Variants in OR10G3 observed in about 807,000 individuals in gnomAD.
OR10G3 encodes olfactory receptor 10G3.
OR10G3 carries 8 observed loss-of-function variants against 13.4 expected under a neutral mutation model. That is an observed-to-expected ratio of 0.60 (90% CI 0.35 to 1.08). OR10G3 has a LOEUF of 1.08. OR10G3 is among the 50% of genes least tolerant of loss of function. The pLI is 0.02. For synonymous variants in OR10G3, 142 were observed against 156.1 expected (o/e 0.91, Z 0.67); for missense variants, 393 against 386.6 (o/e 1.02, Z -0.14).
In OR10G3 at chr14:21,580,055, T is replaced by C. The variant is rs1876857263; in HGVS notation, c.-287A>G. Reference sequence around the variant, plus strand: ...GAGGAGCTGTGGCTCTTACTGAAGATAACTGTTAAGGTTGGTCTCTCCTGT... The same window carrying C: ...GAGGAGCTGTGGCTCTTACTGAAGACAACTGTTAAGGTTGGTCTCTCCTGT... On this transcript the variant is annotated 5_prime_UTR_variant, in exon 1 of 2. Coordinates refer to ENST00000641040, the MANE Select transcript of OR10G3 (RefSeq NM_001005465.2). 1 of 152,242 alleles carries C rather than the reference T, an allele frequency of 6.6e-6. No individual in the cohort carries two copies. Among genetic ancestry groups the C allele is most frequent in the South Asian group, 2.1e-4 (1 of 4,836 alleles). 9.4% of individuals were successfully genotyped at this position (152,242 alleles called of 1,614,324 possible). A position where few individuals can be genotyped will look rare whatever the true frequency, so the allele number is the denominator to read the frequency against.
intron 1 of OR10G3, among the ~76,000 whole-genome samples, chr14:21,577,318 A>G (rs1172940995): frequency 1.3e-5 from 2 of 152,178 alleles, no homozygotes; most frequent in East Asian, 3.8e-4. Context: ...TCATAGAATA[A>G]TGGTGGCATT....
At chr14:21,574,221 T>G (rs543755554) in intron 1 of OR10G3, among the ~76,000 whole-genome samples, 1 of 147,064 alleles carries the variant, frequency 6.8e-6, no homozygotes, top group Non-Finnish European at 1.5e-5. Context: ...GAGAATGGCA[T>G]GTACCGGGGA....
chr14:21,573,202 C>T (rs7156509), intron 1 of OR10G3, among the ~76,000 whole-genome samples: 12,992 of 151,912 alleles, frequency 0.086, 714 homozygotes, highest in South Asian at 0.21. Flanking sequence ...TATGAATGAA[C>T]CTGGAAGACA....
At chr14:21,573,484 C>T (rs1893093819) in intron 1 of OR10G3, among the ~76,000 whole-genome samples, 1 of 147,022 alleles carries the variant, frequency 6.8e-6, no homozygotes, top group East Asian at 1.9e-4. Context: ...ACCAGCCTGG[C>T]CAACATGGTG....
At chr14:21,571,899 C>T (rs1893073338) in intron 1 of OR10G3, among the ~76,000 whole-genome samples, 1 of 149,994 alleles carries the variant, frequency 6.7e-6, no homozygotes, top group Admixed American at 6.7e-5. Flanking sequence ...ATCTTGAACT[C>T]CTGGCCTCAA....
intron 1 of OR10G3, among the ~76,000 whole-genome samples, chr14:21,577,483 C>T (rs985040958): frequency 6.6e-6 from 1 of 152,150 alleles, no homozygotes; most frequent in Admixed American, 6.5e-5. Context: ...CACAAGGAAC[C>T]AAATCAAAAT....
chr14:21,569,824 TG>T lies in OR10G3; in HGVS notation c.920del (p.Pro307GlnfsTer30), dbSNP rs1179177454. ...ACTTTCAAACCTCACTCGGAGTTCT[TG>T]GGCTTCTGAGCATTCTTTTCAGGGC... ...KLALKRMLRS[P>X]RTPSEV On this transcript the variant is annotated frameshift_variant, in exon 2 of 2. Coordinates refer to ENST00000641040, the MANE Select transcript of OR10G3 (RefSeq NM_001005465.2). LOFTEE classifies it high-confidence loss of function. The T allele has an allele frequency of 6.2e-7, 1 of 1,614,010 alleles. No homozygotes were observed. Among genetic ancestry groups the T allele is most frequent in the Non-Finnish European group, 8.5e-7 (1 of 1,180,002 alleles).
At chr14:21,574,160 G>C (rs748463380) in intron 1 of OR10G3, among the ~76,000 whole-genome samples, 1 of 151,932 alleles carries the variant, frequency 6.6e-6, no homozygotes, top group Non-Finnish European at 1.5e-5. Flanking sequence ...AAAATTAGTC[G>C]GGCGTGATGG....
At chr14:21,574,355 G>C (rs1214267891) in intron 1 of OR10G3, among the ~76,000 whole-genome samples, 1 of 148,478 alleles carries the variant, frequency 6.7e-6, no homozygotes, top group Non-Finnish European at 1.5e-5. Context: ...TCTCTGGACT[G>C]ATTTCCATCC....
rs763743755 is a variant in OR10G3, at chr14:21,570,299, G to C, written c.446C>G (p.Ala149Gly). Residue 149 changes from alanine to glycine, a missense_variant, in exon 2 of 2, where the codon GCC becomes GGC. By Grantham distance (60) the Ala-to-Gly change is moderately conservative. Coordinates refer to ENST00000641040, the MANE Select transcript of OR10G3 (RefSeq NM_001005465.2). ...AKLSALLVAG[A>G]WMAGSIHGAL... ...CCCATGGATGGATCCTGCCATCCAGGCTCCAGCCACAAGCAAGGCGCTCAG... is the reference window on the plus strand; with the variant it reads ...CCCATGGATGGATCCTGCCATCCAGCCTCCAGCCACAAGCAAGGCGCTCAG... The C allele has an allele frequency of 1.2e-5, 19 of 1,614,042 alleles. No individual in the cohort carries two copies. The highest frequency in any genetic ancestry group is 5.0e-5 in the Admixed American group (3 of 60,002).
chr14:21,571,073 C>T (rs538480658), intron 1 of OR10G3, among the ~76,000 whole-genome samples: 12 of 152,026 alleles, frequency 7.9e-5, no homozygotes, highest in African/African-American at 2.7e-4. Flanking sequence ...AAGTTTGCAC[C>T]GAGGGTTTTG....
At chr14:21,573,252 T>C (rs1362447442) in intron 1 of OR10G3, among the ~76,000 whole-genome samples, 2 of 152,164 alleles carry the variant, frequency 1.3e-5, no homozygotes, top group East Asian at 1.9e-4. Flanking sequence ...AAAGACAATA[T>C]TGCATGATCT....
In OR10G3 at chr14:21,569,845, C is replaced by T. The variant is rs1893042227; in HGVS notation, c.900G>A (p.Leu300=). 1.2e-6 allele frequency: 2 copies of T among 1,614,160 alleles called. No homozygotes were observed. The highest frequency in any genetic ancestry group is 8.5e-7 in the Non-Finnish European group (1 of 1,180,024). Residue 300 remains leucine (L), a synonymous_variant, in exon 2 of 2, where the codon CTG becomes CTA. Coordinates refer to ENST00000641040, the MANE Select transcript of OR10G3 (RefSeq NM_001005465.2). ...TTCTTGGGCTTCTGAGCATTCTTTT[C>T]AGGGCCAGCTTCACCTCTTGGTTCC... ...TLRNQEVKLA[L]KRMLRSPRTP...
rs139904722 is a variant in OR10G3 at position 21,570,035 on chromosome 14, C to T, written c.710G>A (p.Arg237Gln). Residue 237 changes from arginine to glutamine, a missense_variant, in exon 2 of 2, where the codon CGG becomes CAG. Physicochemically the swap from Arg to Gln is conservative, Grantham distance 43 (BLOSUM62 1). Transcript: ENST00000641040. ...LRIHTADGRR[R>Q]AFSTCGAHVT... ...ATGGGCTCCACAAGTTGAAAAAGCC[C>T]GGCGCCGCCCATCAGCTGTGTGGAT... is the stretch of plus-strand genomic sequence containing the variant. The T allele has an allele frequency of 1.7e-4, 277 of 1,614,198 alleles. No individual in the cohort carries two copies. Among genetic ancestry groups the T allele is most frequent in the East Asian group, 5.8e-4 (26 of 44,880 alleles).
At chr14:21,578,142 G>A (rs956516456) in intron 1 of OR10G3, among the ~76,000 whole-genome samples, 2 of 152,106 alleles carry the variant, frequency 1.3e-5, no homozygotes, top group African/African-American at 4.8e-5. Flanking sequence ...CGGTCGCGGT[G>A]GCTCATGCCC....
intron 1 of OR10G3, among the ~76,000 whole-genome samples, chr14:21,573,637 A>T (rs1394106975): frequency 6.6e-6 from 1 of 150,804 alleles, no homozygotes. Context: ...GTGCCACTGC[A>T]CTCCAGCCTG....
At chr14:21,574,086 G>C (rs565805193) in intron 1 of OR10G3, among the ~76,000 whole-genome samples, 1 of 151,448 alleles carries the variant, frequency 6.6e-6, no homozygotes, top group Non-Finnish European at 1.5e-5. Flanking sequence ...GGCGGATCAC[G>C]AGGTCAGGAG....
intron 1 of OR10G3, among the ~76,000 whole-genome samples, chr14:21,572,040 C>A (rs113767041): frequency 0.087 from 12,831 of 148,328 alleles, 698 homozygotes; most frequent in South Asian, 0.21. Flanking sequence ...GCCTGTAATC[C>A]TAGCACTTTG....
At chr14:21,577,423 T>C (rs2139714923) in intron 1 of OR10G3, among the ~76,000 whole-genome samples, 1 of 152,190 alleles carries the variant, frequency 6.6e-6, no homozygotes, top group African/African-American at 2.4e-5. Context: ...AACCAGATTG[T>C]GTTGTTCCTA....
Sources: gnomAD v4.1 joint callset for allele counts (sites outside exome capture counted in the v4.1 genomes callset) on GRCh38, gnomAD v4.1.1 for gene constraint, MANE v1.5 for transcripts, NCBI Gene and HGNC (gene_info 2026-07-23, HGNC 2026-07-21) for gene names.